Variants in RNF217 observed in about 807,000 individuals in gnomAD.
The protein encoded by RNF217 is E3 ubiquitin-protein ligase RNF217.
RNF217 carries 31 observed loss-of-function variants against 57.8 expected under a neutral mutation model. That is an observed-to-expected ratio of 0.54 (90% CI 0.40 to 0.72). The LOEUF (loss-of-function observed/expected upper bound fraction) is 0.72. Among genes scored for constraint, RNF217 ranks in the 30% least tolerant of loss-of-function variants. RNF217 has a pLI of 0.00. For synonymous variants in RNF217, 313 were observed against 294.0 expected, an observed-to-expected ratio of 1.06 and a Z score of -0.66; for missense variants, 696 against 708.3, an observed-to-expected ratio of 0.98 and a Z score of 0.20.
At chr6:124,994,287 C>A (rs901156821) in intron 1 of RNF217, among the ~76,000 whole-genome samples, 22 of 152,060 alleles carry the variant, frequency 1.4e-4, no homozygotes, top group African/African-American at 4.6e-4. Context: ...GTATCTATTC[C>A]CACTCACTTC....
At chr6:125,070,861 A>T (rs1281077354) in intron 3 of RNF217, among the ~76,000 whole-genome samples, 1 of 152,248 alleles carries the variant, frequency 6.6e-6, no homozygotes, top group African/African-American at 2.4e-5. Flanking sequence ...GGGGGCAGTA[A>T]TACATAACAG....
intron 1 of RNF217, among the ~76,000 whole-genome samples, chr6:125,018,165 G>A (rs1352623569): frequency 6.6e-6 from 1 of 152,120 alleles, no homozygotes; most frequent in Non-Finnish European, 1.5e-5. Flanking sequence ...ATTAATTAGA[G>A]GTAGTGTAGA....
intron 1 of RNF217, among the ~76,000 whole-genome samples, chr6:124,999,803 A>C (rs896866338): frequency 1.3e-5 from 2 of 152,212 alleles, no homozygotes; most frequent in African/African-American, 4.8e-5. Context: ...AAAAAAATCC[A>C]GTTGTACTTT....
At chr6:125,061,493 G>A (rs1393234898) in intron 3 of RNF217, among the ~76,000 whole-genome samples, 1 of 151,432 alleles carries the variant, frequency 6.6e-6, no homozygotes, top group Non-Finnish European at 1.5e-5. Flanking sequence ...ATTTATGTGG[G>A]ACAGATTGGG....
At chr6:125,065,737 A>T (rs138003856) in intron 3 of RNF217, among the ~76,000 whole-genome samples, 237 of 152,206 alleles carry the variant, frequency 1.6e-3, no homozygotes, top group African/African-American at 5.6e-3. Context: ...TTCCATTTTC[A>T]TTTCTTTTCA....
At chr6:124,984,343 T>C (rs1272303330) in intron 1 of RNF217, among the ~76,000 whole-genome samples, 1 of 151,964 alleles carries the variant, frequency 6.6e-6, no homozygotes, top group East Asian at 1.9e-4. Flanking sequence ...GCCCAAGTGT[T>C]CGACAGCAAC....
rs556420837 is a variant in RNF217, at chr6:124,962,995, G to A, written c.451G>A (p.Gly151Ser). 109 of 1,596,642 alleles carry A rather than the reference G, an allele frequency of 6.8e-5. No individual in the cohort carries two copies. The East Asian group carries it at 2.1e-3, about 31-fold the overall frequency. Residue 151 changes from glycine to serine, a missense_variant, in exon 1 of 6, where the codon GGT becomes AGT. This residue lies in a region of RNF217 where 465 missense variants were observed against 386.8 expected (regional missense o/e 1.20). Coordinates refer to ENST00000521654, the MANE Select transcript of RNF217 (RefSeq NM_001286398.3). The surrounding 1 kb of genome is among the most constrained non-coding windows in gnomAD (Gnocchi z 4.6). Reference protein sequence around the residue: ...AADGLVLDVLGQRRPSLAKRQ... With the variant: ...AADGLVLDVLSQRRPSLAKRQ... ...CGACGGACTGGTCCTGGACGTGCTGGGTCAGCGGCGCCCGTCCCTCGCCAA... is the reference window on the plus strand; with the variant it reads ...CGACGGACTGGTCCTGGACGTGCTGAGTCAGCGGCGCCCGTCCCTCGCCAA...
chr6:125,066,290 T>C (rs1787934150), intron 3 of RNF217, among the ~76,000 whole-genome samples: 1 of 152,176 alleles, frequency 6.6e-6, no homozygotes, highest in African/African-American at 2.4e-5. Context: ...CTGCTCAAAA[T>C]TGTCTGTGGT....
At chr6:125,064,299 T>C (rs1373202170) in intron 3 of RNF217, among the ~76,000 whole-genome samples, 1 of 152,176 alleles carries the variant, frequency 6.6e-6, no homozygotes, top group Non-Finnish European at 1.5e-5. Context: ...GGGTTATCAT[T>C]GGCACTGTTT....
intron 1 of RNF217, among the ~76,000 whole-genome samples, chr6:125,028,469 A>G (rs780213734): frequency 6.6e-6 from 1 of 152,132 alleles, no homozygotes; most frequent in Non-Finnish European, 1.5e-5. Flanking sequence ...TACAGTGTAT[A>G]TTTTGGAACT....
chr6:125,002,100 G>C (rs549045736), intron 1 of RNF217, among the ~76,000 whole-genome samples: 2 of 152,282 alleles, frequency 1.3e-5, no homozygotes, highest in South Asian at 4.1e-4. Flanking sequence ...TATTGTTAGA[G>C]AGTAAAATAC....
At chr6:124,980,524 C>A (rs1248270632) in intron 1 of RNF217, among the ~76,000 whole-genome samples, 1 of 152,046 alleles carries the variant, frequency 6.6e-6, no homozygotes, top group Non-Finnish European at 1.5e-5. Flanking sequence ...CAGTTAATTC[C>A]TATTTAATTA....
In RNF217 at chr6:124,963,295, G is replaced by A. The variant is rs891618110; in HGVS notation, c.751G>A (p.Val251Ile). The change falls in exon 1 of 6, where the codon GTA (valine) becomes ATA (isoleucine). Residue 251 changes from valine to isoleucine, a missense_variant. Physicochemically the swap from Val to Ile is conservative, Grantham distance 29 (BLOSUM62 3). Around this residue, in one of 2 missense-constraint regions of RNF217, gnomAD observed 465 missense variants for 386.8 expected, o/e 1.20. Coordinates refer to ENST00000521654, the MANE Select transcript of RNF217 (RefSeq NM_001286398.3). ...TCCACCCTACTCTGGCCTGGGCGGT[G>A]TAGGGGATCCCTATGTGCCCCTCAT... is the stretch of plus-strand genomic sequence containing the variant. Reference protein sequence around the residue: ...GAPPYSGLGGVGDPYVPLMVL... With the variant: ...GAPPYSGLGGIGDPYVPLMVL... 6.5e-7 allele frequency: 1 copy of A among 1,535,936 alleles called. No homozygotes were observed.
intron 1 of RNF217, among the ~76,000 whole-genome samples, chr6:125,000,535 T>TTAAG (rs1230689666): frequency 5.3e-5 from 8 of 152,100 alleles, no homozygotes; most frequent in African/African-American, 1.9e-4. Flanking sequence ...AAACAACTAC[T>TTAAG]GATTCATCCT....
At chr6:124,995,588 G>T (rs1376766707) in intron 1 of RNF217, among the ~76,000 whole-genome samples, 10 of 152,052 alleles carry the variant, frequency 6.6e-5, no homozygotes, top group Non-Finnish European at 1.2e-4. Context: ...GGAGTTTGTT[G>T]TATGAATATA....
intron 1 of RNF217, among the ~76,000 whole-genome samples, chr6:125,029,376 G>T (rs530483331): frequency 7.1e-4 from 108 of 152,190 alleles, no homozygotes; most frequent in African/African-American, 2.5e-3. Flanking sequence ...GGAAAATATG[G>T]TTCCTCTACA....
chr6:125,031,159 C>T (rs1223064978), intron 1 of RNF217, among the ~76,000 whole-genome samples: 22 of 152,250 alleles, frequency 1.4e-4, no homozygotes, highest in Non-Finnish European at 1.5e-5. Flanking sequence ...AGTCCCTCAG[C>T]TGCACACACC....
intron 1 of RNF217, among the ~76,000 whole-genome samples, chr6:124,983,889 C>T (rs1784269837): frequency 1.3e-5 from 2 of 152,160 alleles, no homozygotes; most frequent in African/African-American, 4.8e-5. Flanking sequence ...GAGAGTTCAG[C>T]ATCAAGGCAC....
intron 1 of RNF217, among the ~76,000 whole-genome samples, chr6:124,967,157 C>T (rs1187774038): frequency 6.6e-6 from 1 of 152,272 alleles, no homozygotes; most frequent in East Asian, 1.9e-4. Context: ...ACATTCATTT[C>T]AGAAGTACAT....
Sources: gnomAD v4.1 joint callset for allele counts (sites outside exome capture counted in the v4.1 genomes callset) on GRCh38, gnomAD v4.1.1 for gene constraint, gnomAD v4.1.1 regional missense constraint, Gnocchi (gnomAD v3.1) non-coding constraint, MANE v1.5 for transcripts, NCBI Gene and HGNC (gene_info 2026-07-23, HGNC 2026-07-21) for gene names.